The following GALNT5 variants were observed in gnomAD, a reference collection of about 807,000 sequenced individuals.
GALNT5 encodes UDP-GalNAc:polypeptide N-acetylgalactosaminyltransferase 5.
In GALNT5, 72 loss-of-function variants were observed where a neutral mutation model predicts 85.4. The ratio of observed to expected loss-of-function variants is 0.84; its 90% CI spans 0.70 to 1.03. The LOEUF is 1.03. Among genes scored for constraint, GALNT5 ranks in the 50% least tolerant of loss-of-function variants. The probability of loss-of-function intolerance (pLI) is 0.00; values close to 1 mark genes in which losing one functional copy is unlikely to be tolerated. For synonymous variants in GALNT5, 404 were observed against 397.0 expected, an observed-to-expected ratio of 1.02 and a Z score of -0.21; for missense variants, 1,137 against 1,135.5, an observed-to-expected ratio of 1.00 and a Z score of -0.02.
intron 1 of GALNT5, among the ~76,000 whole-genome samples, chr2:157,281,395 C>T (rs565287952): frequency 1.1e-4 from 17 of 152,218 alleles, no homozygotes; most frequent in African/African-American, 4.1e-4. Flanking sequence ...CCTAATACAC[C>T]AAGGAATTCG....
chr2:157,293,338 T>C (rs1045030815), intron 3 of GALNT5, among the ~76,000 whole-genome samples: 1 of 152,170 alleles, frequency 6.6e-6, no homozygotes, highest in South Asian at 2.1e-4. Flanking sequence ...CCTTACATGG[T>C]GGAAGGGCAA....
chr2:157,305,883 C>T (rs1306657951), intron 8 of GALNT5, 54 bp downstream of exon 8: 19 of 917,012 alleles, frequency 2.1e-5, no homozygotes, highest in East Asian at 2.4e-5. Flanking sequence ...GGGTATGACA[C>T]ATTCATTGCT....
chr2:157,287,202 C>T (rs1683000226), intron 3 of GALNT5, among the ~76,000 whole-genome samples: 1 of 152,112 alleles, frequency 6.6e-6, no homozygotes, highest in East Asian at 1.9e-4. Flanking sequence ...TGGAATGACA[C>T]ATTGATCCAT....
In GALNT5 at chr2:157,259,185, C is replaced by A; in HGVS notation, c.1103C>A (p.Ser368Tyr). 2 of 1,544,648 alleles carry A rather than the reference C, an allele frequency of 1.3e-6. No individual in the cohort carries two copies. The highest frequency in any genetic ancestry group is 1.3e-5 in the South Asian group (1 of 78,184). The change falls in exon 1 of 10, where the codon TCC becomes TAC. Residue 368 changes from serine to tyrosine, a missense_variant. Transcript: ENST00000259056. ...TCCAGGAATAGAAGTGAGATGTCTTCCTCTTCACTTGCTCCACATAGAGTG... is the reference window on the plus strand; with the variant it reads ...TCCAGGAATAGAAGTGAGATGTCTTACTCTTCACTTGCTCCACATAGAGTG... ...HISRNRSEMS[S>Y]SSLAPHRVPL...
chr2:157,260,213 A>G (rs1250901422), intron 1 of GALNT5, among the ~76,000 whole-genome samples: 2 of 152,250 alleles, frequency 1.3e-5, no homozygotes, highest in Non-Finnish European at 2.9e-5. Context: ...TTATATTTGT[A>G]GACATTCACT....
In GALNT5 at chr2:157,315,665, A is replaced by T. The variant is rs1420913150; in HGVS notation, c.*4317A>T. Reference sequence around the variant, plus strand: ...TGCTGTGATCTATCTCTTTGACTTCATGCAGAACCTATTCTTTTTCATCTC... The same window carrying T: ...TGCTGTGATCTATCTCTTTGACTTCTTGCAGAACCTATTCTTTTTCATCTC... On this transcript the variant is annotated 3_prime_UTR_variant, in exon 10 of 10. Coordinates refer to ENST00000259056, the MANE Select transcript of GALNT5 (RefSeq NM_014568.3). Among the ~76,000 whole-genome samples, 1 of 152,202 alleles carries T rather than the reference A, an allele frequency of 6.6e-6. No homozygotes were observed. Among genetic ancestry groups the T allele is most frequent in the Admixed American group, 6.5e-5 (1 of 15,276 alleles).
intron 3 of GALNT5, 26 bp from the exon 4 acceptor site, chr2:157,295,632 CTAAGT>C: frequency 6.3e-7 from 1 of 1,586,288 alleles, no homozygotes; most frequent in South Asian, 1.1e-5. Context: ...ATCGTATTTT[CTAAGT>C]TTTTTGTGTG....
chr2:157,272,094 C>T (rs891312997), intron 1 of GALNT5, among the ~76,000 whole-genome samples: 20 of 152,120 alleles, frequency 1.3e-4, no homozygotes, highest in Admixed American at 7.2e-4. Context: ...TTAATTGCAT[C>T]AACTGCCATT....
In GALNT5 at chr2:157,257,937, G is replaced by C. The variant is rs1470259461; in HGVS notation, c.-146G>C. ...CGGTAGGAACTGAGCTTTCCCCTTG[G>C]ACTGCTGCTTCCTGCTGTGTTCAGG... On this transcript the variant is annotated 5_prime_UTR_variant, in exon 1 of 10. Transcript: ENST00000259056. The C allele has an allele frequency of 1.5e-5, 12 of 777,278 alleles. No homozygotes were observed. The South Asian group carries it at 1.9e-4, about 13-fold the overall frequency. The allele number at this position is 777,278 out of a possible 1,614,324, so 48.1% of individuals were successfully genotyped here. A position where few individuals can be genotyped will look rare whatever the true frequency, so the allele number is the denominator to read the frequency against.
intron 7 of GALNT5, among the ~76,000 whole-genome samples, chr2:157,303,175 A>G (rs1253040620): frequency 6.6e-6 from 1 of 152,216 alleles, no homozygotes; most frequent in African/African-American, 2.4e-5. Context: ...TAATAATCTC[A>G]CCAATAATGT....
Position 157,258,606 on chromosome 2 carries a change from C to T in GALNT5, c.524C>T (p.Ala175Val). 2 of 1,613,580 alleles carry T rather than the reference C, an allele frequency of 1.2e-6. No individual in the cohort carries two copies. Among genetic ancestry groups the T allele is most frequent in the Non-Finnish European group, 1.7e-6 (2 of 1,179,914 alleles). Residue 175 changes from alanine to valine, a missense_variant, in exon 1 of 10, where the codon GCA becomes GTA. By Grantham distance (64) the Ala-to-Val change is moderately conservative (BLOSUM62 0). Coordinates refer to ENST00000259056, the MANE Select transcript of GALNT5 (RefSeq NM_014568.3). ...GGGGCTCCAAAGACCTCATTCATAGCAGCAAAAGGAACTCAGGTAGTCAAA... is the reference window on the plus strand; with the variant it reads ...GGGGCTCCAAAGACCTCATTCATAGTAGCAAAAGGAACTCAGGTAGTCAAA... Reference protein sequence around the residue: ...AQGAPKTSFIAAKGTQVVKIS... With the variant: ...AQGAPKTSFIVAKGTQVVKIS...
rs139157095 is a variant in GALNT5, at chr2:157,259,230, A to G, written c.1148A>G (p.His383Arg). ...PHRVPLSQTNHALTGGLEPAK... is the reference protein window; with the variant it reads ...PHRVPLSQTNRALTGGLEPAK... Reference sequence around the variant, plus strand: ...AGAGTGCCACTGTCCCAAACTAACCATGCTTTAACTGGAGGGCTAGAGCCA... The same window carrying G: ...AGAGTGCCACTGTCCCAAACTAACCGTGCTTTAACTGGAGGGCTAGAGCCA... The change falls in exon 1 of 10, where the codon CAT becomes CGT. Residue 383 changes from histidine (H) to arginine (R), a missense_variant. Coordinates refer to ENST00000259056, the MANE Select transcript of GALNT5 (RefSeq NM_014568.3). 4 of 1,606,050 alleles carry G rather than the reference A, an allele frequency of 2.5e-6. No individual in the cohort carries two copies. In the East Asian group the frequency reaches 8.9e-5, roughly 36 times the overall value.
At chr2:157,265,103 G>A (rs561419598) in intron 1 of GALNT5, among the ~76,000 whole-genome samples, 278 of 152,268 alleles carry the variant, frequency 1.8e-3, no homozygotes, top group African/African-American at 5.9e-3. Context: ...CTTTTGAATA[G>A]TGTGTATGTG....
intron 1 of GALNT5, among the ~76,000 whole-genome samples, chr2:157,265,727 G>T (rs954731310): frequency 3.3e-5 from 5 of 152,190 alleles, no homozygotes; most frequent in Non-Finnish European, 1.5e-5. Flanking sequence ...TCTCAAGAGA[G>T]AAACAACTTT....
Position 157,296,463 on chromosome 2 carries a change from T to A in GALNT5, c.1947T>A (p.Ile649=). Residue 649 remains isoleucine, a synonymous_variant, in exon 5 of 10, where the codon ATT becomes ATA. Transcript: ENST00000259056. ...VWPMNFGWRT[I]PPDVIAKNRI... The stretch of plus-strand genomic sequence containing the variant: ...CCATGAACTTTGGTTGGAGAACAAT[T>A]CCTCCAGATGTCATTGCAAAAAACA... 6.2e-7 allele frequency: 1 copy of A among 1,609,298 alleles called. No homozygotes were observed. The highest frequency in any genetic ancestry group is 8.5e-7 in the Non-Finnish European group (1 of 1,175,754).
chr2:157,294,292 T>C (rs1683161701), intron 3 of GALNT5, among the ~76,000 whole-genome samples: 1 of 152,180 alleles, frequency 6.6e-6, no homozygotes, highest in Admixed American at 6.5e-5. Context: ...TGCTGAGTGA[T>C]GGATCAGAGC....
chr2:157,302,251 C>T (rs1368698052), intron 7 of GALNT5: 2 of 152,156 alleles, frequency 1.3e-5, no homozygotes, highest in East Asian at 3.9e-4. Context: ...TCTGGAAAAT[C>T]TCCTGATAGC....
chr2:157,259,767 T>C (rs1467939005), intron 1 of GALNT5, among the ~76,000 whole-genome samples: 1 of 152,222 alleles, frequency 6.6e-6, no homozygotes, highest in African/African-American at 2.4e-5. Flanking sequence ...TTAGCTCATG[T>C]TCAATTTTCT....
chr2:157,283,098 T>C (rs149065326), intron 1 of GALNT5, among the ~76,000 whole-genome samples: 304 of 152,338 alleles, frequency 2.0e-3, no homozygotes, highest in African/African-American at 6.7e-3. Context: ...CAATGGTTAC[T>C]TTTGGAGCCA....
Sources: allele counts gnomAD v4.1 joint callset (sites outside exome capture counted in the v4.1 genomes callset), GRCh38; gene constraint gnomAD v4.1.1; transcripts MANE v1.5; gene names NCBI Gene and HGNC (gene_info 2026-07-23, HGNC 2026-07-21).